The following SAMD5 variants were observed in gnomAD, a reference collection of about 807,000 sequenced individuals.
The protein encoded by SAMD5 is sterile alpha motif domain containing 5.
A neutral mutation model predicts 11.3 loss-of-function variants in SAMD5; 13 were observed. That is an observed-to-expected ratio of 1.15 (90% confidence interval 0.75 to 1.83). The LOEUF is 1.83. Among genes scored for constraint, SAMD5 ranks in the 40% most tolerant of loss-of-function variants. The pLI, the probability that SAMD5 is intolerant of heterozygous loss-of-function variation, is 0.00. For synonymous variants in SAMD5, 129 were observed against 111.3 expected, an observed-to-expected ratio of 1.16 and a Z score of -1.00; for missense variants, 255 against 239.1, an observed-to-expected ratio of 1.07 and a Z score of -0.44.
At chr6:147,831,446 A>G in the SAMD5 span, among the ~76,000 whole-genome samples, 12 of 152,108 alleles carry the variant, frequency 7.9e-5, no homozygotes, top group African/African-American at 2.2e-4. Context: ...CCAACATAAC[A>G]TCTCACGGCT....
chr6:147,603,471 A>G (rs2128448386), intron 1 of SAMD5, among the ~76,000 whole-genome samples: 1 of 152,292 alleles, frequency 6.6e-6, no homozygotes, highest in Non-Finnish European at 1.5e-5. Context: ...CTTCAAAACT[A>G]CAGGGATCAG....
the SAMD5 span, among the ~76,000 whole-genome samples, chr6:147,931,280 G>A: frequency 4.6e-5 from 7 of 152,066 alleles, no homozygotes; most frequent in Admixed American, 2.0e-4. Context: ...ACTCTGGGTT[G>A]GTTATGATAA....
chr6:147,725,835 G>A (rs1791618191), intron 1 of SAMD5, among the ~76,000 whole-genome samples: 2 of 152,200 alleles, frequency 1.3e-5, no homozygotes, highest in South Asian at 4.1e-4. Flanking sequence ...AAAAAGAGTG[G>A]CAGGACAAAA....
At chr6:147,631,718 C>T (rs1790155412) in intron 1 of SAMD5, among the ~76,000 whole-genome samples, 1 of 152,148 alleles carries the variant, frequency 6.6e-6, no homozygotes, top group Admixed American at 6.6e-5. Flanking sequence ...ATTTTAGTTT[C>T]CTGACTCAGG....
downstream of SAMD5, among the ~76,000 whole-genome samples, chr6:147,572,126 G>A (rs754288892): frequency 6.6e-6 from 1 of 152,114 alleles, no homozygotes. Flanking sequence ...TAGAATGAAT[G>A]AAGGACTAAG....
At chr6:147,554,056 G>T (rs1466662662) in intron 1 of SAMD5, among the ~76,000 whole-genome samples, 9 of 152,076 alleles carry the variant, frequency 5.9e-5, no homozygotes, top group African/African-American at 1.4e-4. Flanking sequence ...CTGCAGGGCT[G>T]GGGAGGCCTC....
intron 1 of SAMD5, chr6:147,692,297 A>G (rs1791115350): frequency 6.6e-6 from 1 of 152,164 alleles, no homozygotes; most frequent in South Asian, 2.1e-4. Flanking sequence ...ATCCCTCATG[A>G]TGCAATTAAA....
At chr6:147,594,708 C>T (rs954146557) in intron 1 of SAMD5, among the ~76,000 whole-genome samples, 2 of 152,148 alleles carry the variant, frequency 1.3e-5, no homozygotes, top group African/African-American at 4.8e-5. Flanking sequence ...TAACTGTAAA[C>T]ATGCTTCACT....
At chr6:147,598,653 TCTC>T (rs1789571543) in intron 1 of SAMD5, among the ~76,000 whole-genome samples, 1 of 152,174 alleles carries the variant, frequency 6.6e-6, no homozygotes. Context: ...GACATCTCGT[TCTC>T]CTCTTTCTGG....
At chr6:147,517,225 T>C (rs1788184455) in intron 1 of SAMD5, among the ~76,000 whole-genome samples, 1 of 152,228 alleles carries the variant, frequency 6.6e-6, no homozygotes, top group African/African-American at 2.4e-5. Flanking sequence ...GCTGGCTAAA[T>C]CATGACATAG....
the SAMD5 span, among the ~76,000 whole-genome samples, chr6:147,929,185 C>A: frequency 6.6e-6 from 1 of 152,156 alleles, no homozygotes; most frequent in Non-Finnish European, 1.5e-5. Flanking sequence ...CAGTTGTCTT[C>A]ACTTTTTTAA....
intron 1 of SAMD5, among the ~76,000 whole-genome samples, chr6:147,664,595 A>G (rs1231707333): frequency 6.6e-6 from 1 of 152,202 alleles, no homozygotes; most frequent in Admixed American, 6.5e-5. Flanking sequence ...TTCAGCAAAT[A>G]ACAATCTCCA....
intron 1 of SAMD5, among the ~76,000 whole-genome samples, chr6:147,685,423 C>G (rs1583138866): frequency 1.3e-5 from 2 of 152,202 alleles, no homozygotes; most frequent in Non-Finnish European, 2.9e-5. Context: ...ATCCACCCAC[C>G]TCAGCCTCCC....
At chr6:147,829,853 G>A in the SAMD5 span, among the ~76,000 whole-genome samples, 2 of 152,136 alleles carry the variant, frequency 1.3e-5, no homozygotes, top group Non-Finnish European at 2.9e-5. Flanking sequence ...GATGAAGATG[G>A]GCTGTGTCAG....
At chr6:147,570,968 A>T (rs573240648), downstream of SAMD5, among the ~76,000 whole-genome samples, 6 of 152,212 alleles carry the variant, frequency 3.9e-5, no homozygotes, top group South Asian at 4.2e-4. Flanking sequence ...AGTATACCTA[A>T]AGGGTTCTGT....
chr6:147,837,992 G>T, the SAMD5 span, among the ~76,000 whole-genome samples: 9 of 151,970 alleles, frequency 5.9e-5, no homozygotes, highest in East Asian at 1.5e-3. Flanking sequence ...TCCAGTCACC[G>T]CCCTCAAGAT....
At chr6:147,709,525 G>A (rs1014407634) in intron 1 of SAMD5, among the ~76,000 whole-genome samples, 3 of 152,184 alleles carry the variant, frequency 2.0e-5, no homozygotes, top group African/African-American at 7.2e-5. Context: ...AGATAATTCT[G>A]TAAAGAGTGC....
intron 1 of SAMD5, among the ~76,000 whole-genome samples, chr6:147,564,021 C>G (rs1033821645): frequency 2.0e-5 from 3 of 152,172 alleles, no homozygotes; most frequent in Non-Finnish European, 4.4e-5. Context: ...GACTATTGCT[C>G]TAGTACTAAC....
chr6:147,851,066 C>A, the SAMD5 span, among the ~76,000 whole-genome samples: 1 of 151,650 alleles, frequency 6.6e-6, no homozygotes, highest in Non-Finnish European at 1.5e-5. Flanking sequence ...CCTACCTCAG[C>A]CTCCCAAGTA....
Sources: gnomAD v4.1 joint callset for allele counts (sites outside exome capture counted in the v4.1 genomes callset) on GRCh38, gnomAD v4.1.1 for gene constraint, MANE v1.5 for transcripts, NCBI Gene and HGNC (gene_info 2026-07-23, HGNC 2026-07-21) for gene names.